The following FIGNL2 variants were observed in gnomAD, a reference collection of about 807,000 sequenced individuals.
FIGNL2 encodes fidgetin-like protein 2.
For missense variants in FIGNL2, 1,060 were observed against 950.2 expected (o/e 1.12, Z -1.52); for synonymous variants, 565 against 484.0 (o/e 1.17, Z -2.20).
Position 51,822,311 on chromosome 12 carries a change from G to A in FIGNL2, c.103C>T (p.Pro35Ser), listed in dbSNP as rs866314320. Residue 35 changes from proline to serine, a missense_variant, in exon 2 of 2, where the codon CCC becomes TCC. Physicochemically the swap from Pro to Ser is moderately conservative, Grantham distance 74. Coordinates refer to ENST00000618634, the MANE Select transcript of FIGNL2 (RefSeq NM_001384995.1). ...TGGCAGCGTTGGCGACCCCCAGGGG[G>A]CAACTCCAACTTGTGGGCCGGCGAC... ...TPSPAHKLEL[P>S]PGGRQRCHYA... The A allele has an allele frequency of 1.9e-6, 3 of 1,612,378 alleles. No individual in the cohort carries two copies. Among genetic ancestry groups the A allele is most frequent in the East Asian group, 2.2e-5 (1 of 44,860 alleles).
At position 51,820,485 on chromosome 12, in the gene FIGNL2, C is replaced by T; in HGVS notation, c.1929G>A (p.Val643=). ...CGGAGCCGTACATTTTGTCCCACTC[C>T]ACGAACGAGTCCAGTTCCTTGGCAG... The part of the protein sequence containing the change: ...RASAKELDSF[V]EWDKMYGSGH The change falls in exon 2 of 2, where the codon GTG becomes GTA. Residue 643 remains valine (V), a synonymous_variant. Transcript: ENST00000618634. 1 of 1,590,072 alleles carries T rather than the reference C, an allele frequency of 6.3e-7. No homozygotes were observed. The highest frequency in any genetic ancestry group is 1.1e-5 in the South Asian group (1 of 88,868).
At chr12:51,838,959 G>A (rs1211278742) in intron 1 of FIGNL2, among the ~76,000 whole-genome samples, 2 of 152,150 alleles carry the variant, frequency 1.3e-5, no homozygotes, top group East Asian at 1.9e-4. Flanking sequence ...CAGCTTCCCA[G>A]GATGTCCTCG....
At chr12:51,835,908 G>GTGAT (rs1467871397) in intron 1 of FIGNL2, among the ~76,000 whole-genome samples, 1 of 151,808 alleles carries the variant, frequency 6.6e-6, no homozygotes, top group Non-Finnish European at 1.5e-5. Context: ...CTGGGTTCAA[G>GTGAT]TGATTGATTC....
At chr12:51,835,141 C>T (rs1042358421) in intron 1 of FIGNL2, among the ~76,000 whole-genome samples, 1 of 152,096 alleles carries the variant, frequency 6.6e-6, no homozygotes. Flanking sequence ...CCACCCATCC[C>T]CTGGCTCAAC....
intron 1 of FIGNL2, among the ~76,000 whole-genome samples, chr12:51,830,218 G>C (rs993608041): frequency 6.6e-6 from 1 of 151,216 alleles, no homozygotes; most frequent in African/African-American, 2.4e-5. Context: ...GAACCTGGAA[G>C]GCGGAGGTTG....
intron 1 of FIGNL2, among the ~76,000 whole-genome samples, chr12:51,843,350 A>G: frequency 6.6e-6 from 1 of 150,712 alleles, no homozygotes; most frequent in East Asian, 2.0e-4. Flanking sequence ...CAGCTTGGCC[A>G]ACATGGCAAA....
At chr12:51,846,707 C>G (rs1939757565) in intron 1 of FIGNL2, among the ~76,000 whole-genome samples, 1 of 148,828 alleles carries the variant, frequency 6.7e-6, no homozygotes, top group Non-Finnish European at 1.5e-5. Context: ...TCAGCCCCTT[C>G]TGTTTCTTCT....
At chr12:51,823,970 T>A (rs1441289557) in intron 1 of FIGNL2, 1 of 151,958 alleles carries the variant, frequency 6.6e-6, no homozygotes, top group African/African-American at 2.4e-5. Flanking sequence ...CCATGAAAAG[T>A]GAGGGATCAA....
At chr12:51,847,653 A>G (rs1592198349) in intron 1 of FIGNL2, 2 of 984,814 alleles carry the variant, frequency 2.0e-6, no homozygotes, top group Non-Finnish European at 2.4e-6. Flanking sequence ...ACCCCTTCCC[A>G]GGCCTCCTCC....
intron 1 of FIGNL2, chr12:51,844,979 A>G: frequency 3.3e-6 from 2 of 614,888 alleles, no homozygotes; most frequent in Non-Finnish European, 4.1e-6. Flanking sequence ...CACATCAGAG[A>G]GGGATGGACT....
intron 1 of FIGNL2, among the ~76,000 whole-genome samples, chr12:51,837,419 G>A (rs1055147339): frequency 5.3e-5 from 8 of 152,282 alleles, no homozygotes; most frequent in African/African-American, 1.9e-4. Flanking sequence ...AGGGCGTGGG[G>A]CCTGCCGGTA....
intron 1 of FIGNL2, among the ~76,000 whole-genome samples, chr12:51,830,243 C>T (rs1027720455): frequency 6.7e-6 from 1 of 149,808 alleles, no homozygotes; most frequent in African/African-American, 2.5e-5. Flanking sequence ...GAGCTGAGAT[C>T]GCGCCACTGC....
intron 1 of FIGNL2, among the ~76,000 whole-genome samples, chr12:51,827,130 G>C (rs1270728924): frequency 6.6e-6 from 1 of 152,186 alleles, no homozygotes; most frequent in Non-Finnish European, 1.5e-5. Context: ...CAGAGACCCT[G>C]GGCCTGCTGC....
chr12:51,830,398 C>T (rs1939428864), intron 1 of FIGNL2, among the ~76,000 whole-genome samples: 1 of 151,758 alleles, frequency 6.6e-6, no homozygotes, highest in Non-Finnish European at 1.5e-5. Context: ...TTAGCCATTC[C>T]ACAATGGGTA....
Position 51,820,575 on chromosome 12 carries a change from C to G in FIGNL2, c.1839G>C (p.Gly613=), listed in dbSNP as rs776009801. Residue 613 remains glycine, a synonymous_variant, in exon 2 of 2, where the codon GGG becomes GGC. Coordinates refer to ENST00000618634, the MANE Select transcript of FIGNL2 (RefSeq NM_001384995.1). ...CCTTGTAGGAGAGGGGGCGCTGCAG[C>G]CCCGGGAGGCCCGCCCCGGCCGCCG... The part of the protein sequence containing the change: ...QQAAAGAGLP[G]LQRPLSYKDL... 44 of 1,527,902 alleles carry G rather than the reference C, an allele frequency of 2.9e-5. No individual in the cohort carries two copies. The highest frequency in any genetic ancestry group is 9.6e-6 in the Non-Finnish European group (11 of 1,144,070). 94.6% of individuals were successfully genotyped at this position (1,527,902 alleles called of 1,614,324 possible). A position where few individuals can be genotyped will look rare whatever the true frequency, so the allele number is the denominator to read the frequency against.
At chr12:51,845,363 C>A in intron 1 of FIGNL2, 3 of 618,178 alleles carry the variant, frequency 4.9e-6, no homozygotes, top group Non-Finnish European at 6.1e-6. Flanking sequence ...GCCCTGATCT[C>A]CCTCACCAGA....
rs1161105026 is a variant in FIGNL2, at chr12:51,820,910, C to T, written c.1504G>A (p.Asp502Asn). Residue 502 changes from aspartate to asparagine, a missense_variant, in exon 2 of 2, where the codon GAC (aspartate) becomes AAC (asparagine). Transcript: ENST00000618634. ...AGCGCGCCCCCTGCCGCCGCGCCGT[C>T]GTCCCGGGCGGGGAGCAGCGCCTCT... ...ELEALLPARD[D>N]GAAAGGALQV... 1 of 1,331,882 alleles carries T rather than the reference C, an allele frequency of 7.5e-7. No homozygotes were observed. The highest frequency in any genetic ancestry group is 9.5e-7 in the Non-Finnish European group (1 of 1,049,144). 82.5% of individuals were successfully genotyped at this position (1,331,882 alleles called of 1,614,324 possible).
intron 1 of FIGNL2, chr12:51,838,059 C>T (rs554496586): frequency 1.3e-5 from 2 of 152,492 alleles, no homozygotes; most frequent in African/African-American, 4.8e-5. Flanking sequence ...GCTGCATGGG[C>T]CACTAGAAGT....
chr12:51,836,053 C>T (rs1323175948), intron 1 of FIGNL2, among the ~76,000 whole-genome samples: 2 of 152,154 alleles, frequency 1.3e-5, no homozygotes, highest in East Asian at 3.9e-4. Context: ...TCAGGTGATC[C>T]ACCCACCTCA....
Sources: gnomAD v4.1 joint callset for allele counts (sites outside exome capture counted in the v4.1 genomes callset) on GRCh38, gnomAD v4.1.1 for gene constraint, MANE v1.5 for transcripts, NCBI Gene and HGNC (gene_info 2026-07-23, HGNC 2026-07-21) for gene names.